Variants in FIG4 observed in about 807,000 individuals in gnomAD.
FIG4 encodes the protein FIG4 phosphoinositide 5-phosphatase.
FIG4 carries 112 observed loss-of-function variants against 118.6 expected under a neutral mutation model. The ratio of observed to expected loss-of-function variants is 0.94; its 90% CI spans 0.81 to 1.11. The LOEUF is 1.11. Among genes scored for constraint, FIG4 ranks in the 50% least tolerant of loss-of-function variants. FIG4 has a pLI of 0.00. For synonymous variants in FIG4, 369 were observed against 381.2 expected (o/e 0.97, Z 0.37); for missense variants, 969 against 1,111.7 (o/e 0.87, Z 1.83).
At chr6:109,730,189 C>T (rs1254886581) in intron 4 of FIG4, among the ~76,000 whole-genome samples, 2 of 152,044 alleles carry the variant, frequency 1.3e-5, no homozygotes, top group Non-Finnish European at 2.9e-5. Flanking sequence ...GCTGGGACTA[C>T]AGACACATGC....
chr6:109,776,272 T>C (rs762685669), intron 15 of FIG4, among the ~76,000 whole-genome samples: 1 of 152,188 alleles, frequency 6.6e-6, no homozygotes, highest in Non-Finnish European at 1.5e-5. Flanking sequence ...TAAAAGGTAA[T>C]TTTGGAATGC....
intron 22 of FIG4, among the ~76,000 whole-genome samples, chr6:109,818,068 C>T (rs555351589): frequency 6.6e-6 from 1 of 152,362 alleles, no homozygotes; most frequent in Non-Finnish European, 1.5e-5. Context: ...GTCACAGCAG[C>T]TGCTGGCTCC....
At chr6:109,698,660 G>C (rs149839877) in intron 1 of FIG4, among the ~76,000 whole-genome samples, 38 of 152,218 alleles carry the variant, frequency 2.5e-4, no homozygotes, top group African/African-American at 8.9e-4. Context: ...TTCAGATTGA[G>C]GAATATTTCT....
intron 18 of FIG4, among the ~76,000 whole-genome samples, chr6:109,788,247 C>T (rs969771762): frequency 1.3e-5 from 2 of 152,174 alleles, no homozygotes; most frequent in Non-Finnish European, 2.9e-5. Flanking sequence ...ACATAACACT[C>T]ATGGCCAACA....
rs148001811 is a variant in FIG4 at position 109,763,728 on chromosome 6, T to G, written c.1389-209T>G. Among the ~76,000 whole-genome samples the G allele has an allele frequency of 3.3e-3, 499 of 152,306 alleles. No homozygotes were observed. The highest frequency in any genetic ancestry group is 0.011 in the African/African-American group (467 of 41,560). On this transcript the variant is annotated intron_variant, in intron 12 of 22. Transcript: ENST00000230124. Reference sequence around the variant, plus strand: ...AAATTAAAATGCCCCTTTCCTGGACTGTCTTTGAGGAGAGTGTGGTAAGCA... The same window carrying G: ...AAATTAAAATGCCCCTTTCCTGGACGGTCTTTGAGGAGAGTGTGGTAAGCA...
At chr6:109,779,222 T>C (rs1777721241) in intron 16 of FIG4, among the ~76,000 whole-genome samples, 1 of 152,216 alleles carries the variant, frequency 6.6e-6, no homozygotes, top group Non-Finnish European at 1.5e-5. Context: ...TCTGAAATTT[T>C]GTATTACTTT....
At chr6:109,824,466 A>G (rs1486931193) in intron 22 of FIG4, among the ~76,000 whole-genome samples, 1 of 152,204 alleles carries the variant, frequency 6.6e-6, no homozygotes, top group African/African-American at 2.4e-5. Flanking sequence ...CAGTTGGGTT[A>G]TATTTTGCAA....
At chr6:109,752,684 CTGTT>C (rs1396142801) in intron 10 of FIG4, among the ~76,000 whole-genome samples, 1 of 151,294 alleles carries the variant, frequency 6.6e-6, no homozygotes, top group Non-Finnish European at 1.5e-5. Context: ...TTTGATGGGG[CTGTT>C]TGTTTTTTTC....
intron 3 of FIG4, among the ~76,000 whole-genome samples, chr6:109,717,438 A>C (rs550254981): frequency 6.6e-6 from 1 of 152,120 alleles, no homozygotes; most frequent in South Asian, 2.1e-4. Context: ...CTTGTGGTGA[A>C]TCAATAAACC....
At chr6:109,743,582 G>A (rs998191531) in intron 9 of FIG4, 93 bp from the exon 10 acceptor site, 1 of 908,200 alleles carries the variant, frequency 1.1e-6, no homozygotes, top group East Asian at 2.4e-5. Context: ...AAGATTAGTT[G>A]AATTGCATTT....
At chr6:109,766,333 C>T (rs1777277655) in intron 14 of FIG4, among the ~76,000 whole-genome samples, 1 of 152,192 alleles carries the variant, frequency 6.6e-6, no homozygotes, top group African/African-American at 2.4e-5. Context: ...CTTGTTGCAG[C>T]AGCTCGAATG....
intron 16 of FIG4, among the ~76,000 whole-genome samples, chr6:109,781,728 T>C (rs527754710): frequency 2.1e-5 from 2 of 97,302 alleles, no homozygotes; most frequent in South Asian, 5.5e-4. Context: ...AAAAAAGTAT[T>C]GAAATGTGTA....
rs866895236 is a variant in FIG4 at position 109,732,635 on chromosome 6, A to C, written c.447-2A>C. On this transcript the variant is annotated splice_acceptor_variant, in intron 4 of 22. Transcript: ENST00000230124. LOFTEE classifies it high-confidence loss of function. ...AAATGTACTTTGTTTTTTTTTTTTT[A>C]GGTATCTACGAATATTTCAAAATGT... The C allele has an allele frequency of 9.3e-7, 1 of 1,071,068 alleles. No homozygotes were observed. The highest frequency in any genetic ancestry group is 1.3e-6 in the Non-Finnish European group (1 of 749,112). The allele number at this position is 1,071,068 out of a possible 1,614,324, so 66.3% of individuals were successfully genotyped here.
intron 10 of FIG4, among the ~76,000 whole-genome samples, chr6:109,747,571 A>C (rs888037167): frequency 4.6e-5 from 7 of 152,156 alleles, no homozygotes; most frequent in Non-Finnish European, 1.0e-4. Flanking sequence ...GTGGGATAAC[A>C]GTGAGTAAGT....
intron 15 of FIG4, 135 bp downstream of exon 15, chr6:109,767,030 A>G (rs1777300925): frequency 2.8e-6 from 2 of 707,966 alleles, no homozygotes; most frequent in African/African-American, 3.6e-5. Context: ...GTCACTTAGA[A>G]GGTGCTCAGT....
intron 14 of FIG4, 147 bp downstream of exon 14, chr6:109,765,308 T>C: frequency 1.4e-6 from 1 of 698,512 alleles, no homozygotes; most frequent in Non-Finnish European, 2.4e-6. Context: ...GTTCTGTTTT[T>C]CTTATATTTT....
chr6:109,695,252 G>T (rs546128821), intron 1 of FIG4, among the ~76,000 whole-genome samples: 1 of 152,292 alleles, frequency 6.6e-6, no homozygotes, highest in South Asian at 2.1e-4. Context: ...AACCATATTG[G>T]TGCAGTCTTT....
chr6:109,761,475 T>A (rs902600321), intron 11 of FIG4, among the ~76,000 whole-genome samples: 2 of 151,990 alleles, frequency 1.3e-5, no homozygotes, highest in Admixed American at 6.6e-5. Flanking sequence ...AAACTCCACC[T>A]CCCGGGTTCA....
At chr6:109,721,039 G>A (rs1053063038) in intron 3 of FIG4, among the ~76,000 whole-genome samples, 2 of 152,112 alleles carry the variant, frequency 1.3e-5, no homozygotes, top group Non-Finnish European at 2.9e-5. Flanking sequence ...CCTTAGGTAC[G>A]TGTCCTTTTT....
Sources: gnomAD v4.1 joint callset for allele counts (sites outside exome capture counted in the v4.1 genomes callset) on GRCh38, gnomAD v4.1.1 for gene constraint, MANE v1.5 for transcripts, NCBI Gene and HGNC (gene_info 2026-07-23, HGNC 2026-07-21) for gene names.